Variants in SGCZ observed in about 807,000 individuals in gnomAD.
SGCZ encodes the protein sarcoglycan zeta.
In SGCZ, 40 loss-of-function variants were observed where a neutral mutation model predicts 41.3. The observed-to-expected ratio is 0.97, with a 90% CI of 0.75 to 1.26. The LOEUF (loss-of-function observed/expected upper bound fraction) is 1.26, where lower values mean the gene tolerates loss of function less well. Ranked by LOEUF, SGCZ falls within the 50% of genes most tolerant of loss-of-function variation. The pLI is 0.00. For missense variants in SGCZ, 552 were observed against 369.8 expected (o/e 1.49, Z -4.04); for synonymous variants, 206 against 137.5 (o/e 1.50, Z -3.49).
chr8:14,231,026 G>A (rs1806547501), intron 4 of SGCZ, among the ~76,000 whole-genome samples: 1 of 151,990 alleles, frequency 6.6e-6, no homozygotes, highest in African/African-American at 2.4e-5. Context: ...AAATTATGTT[G>A]GAGTATATTG....
rs541190007 is a variant in SGCZ at position 14,542,619 on chromosome 8, G to T, written c.234+12113C>A. Among the ~76,000 whole-genome samples, 3 of 152,208 alleles carry T rather than the reference G, an allele frequency of 2.0e-5. No individual in the cohort carries two copies. In the South Asian group the frequency reaches 6.2e-4, roughly 31 times the overall value. ...CTGAACTAGGGGCAGTAAGGAAATA[G>T]ATTGTGGACTCTCTTAAACCAAATT... On this transcript the variant is annotated intron_variant, in intron 2 of 7. Coordinates refer to ENST00000382080, the MANE Select transcript of SGCZ (RefSeq NM_139167.4).
chr8:14,789,912 A>G (rs1363279129), intron 1 of SGCZ, among the ~76,000 whole-genome samples: 5 of 152,164 alleles, frequency 3.3e-5, no homozygotes, highest in Admixed American at 2.0e-4. Context: ...GGCCCATGAA[A>G]ACAGAGAATG....
chr8:14,492,192 C>T (rs1356053404), intron 2 of SGCZ, among the ~76,000 whole-genome samples: 1 of 152,060 alleles, frequency 6.6e-6, no homozygotes, highest in Non-Finnish European at 1.5e-5. Context: ...TAACATGAAT[C>T]CACCAGCAGT....
chr8:14,309,594 A>G (rs1801460815), intron 3 of SGCZ: 2 of 1,610,814 alleles, frequency 1.2e-6, no homozygotes, highest in Admixed American at 1.7e-5. Context: ...ACTTCATCCA[A>G]AGATAGTGAC....
chr8:14,625,835 G>C (rs1806437048), intron 1 of SGCZ, among the ~76,000 whole-genome samples: 5 of 152,126 alleles, frequency 3.3e-5, no homozygotes, highest in Admixed American at 3.3e-4. Flanking sequence ...GGTTCAGTAA[G>C]TTTCAGATGA....
At chr8:14,911,669 A>T (rs541338497) in intron 1 of SGCZ, among the ~76,000 whole-genome samples, 2 of 152,036 alleles carry the variant, frequency 1.3e-5, no homozygotes, top group South Asian at 4.1e-4. Context: ...ATTTGTTACA[A>T]TGAGAATATA....
chr8:14,783,825 A>G (rs1197505260), intron 1 of SGCZ, among the ~76,000 whole-genome samples: 1 of 152,180 alleles, frequency 6.6e-6, no homozygotes, highest in Non-Finnish European at 1.5e-5. Context: ...AGTTTATTCA[A>G]AAATCATTTA....
intron 3 of SGCZ, among the ~76,000 whole-genome samples, chr8:14,323,343 C>T (rs1381018122): frequency 1.3e-5 from 2 of 151,692 alleles, no homozygotes; most frequent in African/African-American, 4.8e-5. Flanking sequence ...AAAGTATAAC[C>T]TTTTTTCCCA....
chr8:15,211,307 C>T (rs1801231687), intron 1 of SGCZ, among the ~76,000 whole-genome samples: 1 of 150,630 alleles, frequency 6.6e-6, no homozygotes, highest in Non-Finnish European at 1.5e-5. Context: ...CTTTACTTTT[C>T]TCACTCTAGG....
intron 1 of SGCZ, among the ~76,000 whole-genome samples, chr8:15,119,356 C>G (rs1807392300): frequency 6.6e-6 from 1 of 151,750 alleles, no homozygotes; most frequent in Non-Finnish European, 1.5e-5. Context: ...TATGGTGAAA[C>G]CTGTCTCTAC....
intron 1 of SGCZ, among the ~76,000 whole-genome samples, chr8:14,862,101 G>A (rs2130681694): frequency 1.3e-5 from 2 of 152,158 alleles, no homozygotes; most frequent in South Asian, 4.1e-4. Flanking sequence ...TATCACTAGT[G>A]ACGACATTAA....
chr8:15,207,791 A>T (rs1801114746), intron 1 of SGCZ, among the ~76,000 whole-genome samples: 1 of 152,216 alleles, frequency 6.6e-6, no homozygotes, highest in Admixed American at 6.5e-5. Flanking sequence ...ATAAGGAGGG[A>T]AAGAAGGAAA....
chr8:14,795,154 T>C lies in SGCZ; in HGVS notation c.40-240228A>G, dbSNP rs1563274446. Among the ~76,000 whole-genome samples the C allele has an allele frequency of 2.0e-5, 3 of 152,210 alleles. No individual in the cohort carries two copies. The South Asian group carries it at 6.2e-4, about 31-fold the overall frequency. On this transcript the variant is annotated intron_variant, in intron 1 of 7. Coordinates refer to ENST00000382080, the MANE Select transcript of SGCZ (RefSeq NM_139167.4). The stretch of plus-strand genomic sequence containing the variant: ...TTTAAAATCAAAATGGATGATTGAA[T>C]GGTTAATTAAAATATTGTTTAACAT...
intron 1 of SGCZ, among the ~76,000 whole-genome samples, chr8:14,603,674 A>AT (rs1805661461): frequency 6.6e-6 from 1 of 152,164 alleles, no homozygotes; most frequent in Non-Finnish European, 1.5e-5. Flanking sequence ...ATGATTGATT[A>AT]ATTTTTCTTG....
At chr8:15,167,841 A>G (rs1018389971) in intron 1 of SGCZ, among the ~76,000 whole-genome samples, 2 of 152,214 alleles carry the variant, frequency 1.3e-5, no homozygotes, top group African/African-American at 4.8e-5. Flanking sequence ...TAGATCAGAA[A>G]GAACACGAGG....
At chr8:14,605,144 T>C (rs1381649909) in intron 1 of SGCZ, among the ~76,000 whole-genome samples, 2 of 152,160 alleles carry the variant, frequency 1.3e-5, no homozygotes, top group East Asian at 1.9e-4. Context: ...ATTCAGCTAC[T>C]TGCCTCGAAA....
At chr8:14,747,879 A>ATT (rs375144725) in intron 1 of SGCZ, among the ~76,000 whole-genome samples, 4,626 of 130,244 alleles carry the variant, frequency 0.036, 168 homozygotes, top group South Asian at 0.053. Flanking sequence ...CAACTGACTA[A>ATT]TTTTTTTTTT....
intron 1 of SGCZ, among the ~76,000 whole-genome samples, chr8:14,820,268 C>T (rs772437719): frequency 1.3e-5 from 2 of 151,852 alleles, no homozygotes; most frequent in Non-Finnish European, 2.9e-5. Context: ...ACTGAAGAGA[C>T]ATCATTATAC....
At chr8:14,800,185 T>C (rs888605836) in intron 1 of SGCZ, among the ~76,000 whole-genome samples, 18 of 152,142 alleles carry the variant, frequency 1.2e-4, no homozygotes, top group African/African-American at 4.3e-4. Flanking sequence ...CTATAAATGT[T>C]ACCTGGTCAT....
Sources: gnomAD v4.1 joint callset for allele counts (sites outside exome capture counted in the v4.1 genomes callset) on GRCh38, gnomAD v4.1.1 for gene constraint, MANE v1.5 for transcripts, NCBI Gene and HGNC (gene_info 2026-07-23, HGNC 2026-07-21) for gene names.